The following AGBL1 variants were observed in gnomAD, a reference collection of about 807,000 sequenced individuals.
AGBL1 encodes cytosolic carboxypeptidase 4.
A neutral mutation model predicts 118.9 loss-of-function variants in AGBL1; 130 were observed. The ratio of observed to expected loss-of-function variants is 1.09; its 90% CI spans 0.95 to 1.26. The LOEUF (loss-of-function observed/expected upper bound fraction) is 1.26, where lower values mean the gene tolerates loss of function less well. AGBL1 is among the 50% of genes most tolerant of loss of function. AGBL1 has a pLI of 0.00. For synonymous variants in AGBL1, 555 were observed against 478.9 expected (o/e 1.16, Z -2.08); for missense variants, 1,584 against 1,298.1 (o/e 1.22, Z -3.38).
intron 17 of AGBL1, among the ~76,000 whole-genome samples, chr15:86,358,636 A>G (rs2080757598): frequency 6.6e-6 from 1 of 152,074 alleles, no homozygotes; most frequent in South Asian, 2.1e-4. Context: ...ACCAATTTAC[A>G]TATCCACTAG....
chr15:86,447,593 A>T (rs74740945), intron 18 of AGBL1, among the ~76,000 whole-genome samples: 6,388 of 152,252 alleles, frequency 0.042, 193 homozygotes, highest in South Asian at 0.097. Context: ...AAAACCAAAA[A>T]AGTGCCACCT....
chr15:86,590,568 T>C lies in AGBL1; in HGVS notation c.2994+36031T>C, dbSNP rs532561643. Among the ~76,000 whole-genome samples the C allele has an allele frequency of 5.8e-4, 89 of 152,322 alleles. 1 individual carries two copies. In the South Asian group the frequency reaches 0.018, roughly 31 times the overall value. On this transcript the variant is annotated intron_variant, in intron 21 of 22. Transcript: ENST00000614907. ...TACCCGGTCTCTGGTATGTCTTTAT[T>C]AGCAGTGTGAGAACAGACTAATACA...
At chr15:86,458,638 A>T (rs2082291691) in intron 18 of AGBL1, among the ~76,000 whole-genome samples, 1 of 152,176 alleles carries the variant, frequency 6.6e-6, no homozygotes, top group Non-Finnish European at 1.5e-5. Context: ...TAACATATTT[A>T]TCTCAATAAT....
intron 5 of AGBL1, among the ~76,000 whole-genome samples, chr15:86,160,428 TC>T (rs1272863435): frequency 7.9e-5 from 12 of 152,150 alleles, no homozygotes; most frequent in Non-Finnish European, 1.6e-4. Context: ...TTCACTCTTC[TC>T]CCCCCACTTC....
chr15:86,747,476 ATTCTT>A (rs1456997926), intron 22 of AGBL1, among the ~76,000 whole-genome samples: 2 of 152,096 alleles, frequency 1.3e-5, no homozygotes, highest in African/African-American at 2.4e-5. Flanking sequence ...AAAGGCAATA[ATTCTT>A]TTCTTTTATT....
intron 5 of AGBL1, among the ~76,000 whole-genome samples, chr15:86,202,950 G>A (rs1406422398): frequency 6.6e-6 from 1 of 152,072 alleles, no homozygotes; most frequent in Non-Finnish European, 1.5e-5. Flanking sequence ...CAGGCACAGT[G>A]GCTCATGCCT....
chr15:86,343,555 T>G (rs1194840900), intron 17 of AGBL1, among the ~76,000 whole-genome samples: 1 of 152,232 alleles, frequency 6.6e-6, no homozygotes, highest in East Asian at 1.9e-4. Flanking sequence ...ACAGGGAAGA[T>G]GCCTCATGGT....
rs577704529 is a variant in AGBL1 at position 86,262,724 on chromosome 15, C to T, written c.970-54C>T. On this transcript the variant is annotated intron_variant, in intron 9 of 22. Coordinates refer to ENST00000614907, the MANE Select transcript of AGBL1 (RefSeq NM_001386094.1). The stretch of plus-strand genomic sequence containing the variant: ...AGCACATACATATCATGTCTTGATG[C>T]TTCTCAGGGTGGATTTCCTGACTGT... 3.1e-5 allele frequency: 37 copies of T among 1,207,440 alleles called. No homozygotes were observed. The East Asian group carries it at 8.6e-4, about 28-fold the overall frequency. 74.8% of individuals were successfully genotyped at this position (1,207,440 alleles called of 1,614,324 possible). A position where few individuals can be genotyped will look rare whatever the true frequency, so the allele number is the denominator to read the frequency against.
chr15:86,167,879 T>C (rs2077363835), intron 5 of AGBL1, among the ~76,000 whole-genome samples: 2 of 152,236 alleles, frequency 1.3e-5, no homozygotes, highest in South Asian at 4.1e-4. Flanking sequence ...ATTAGCTCTC[T>C]ATGTGATCAT....
At chr15:86,231,369 A>G (rs2078452477) in intron 6 of AGBL1, among the ~76,000 whole-genome samples, 1 of 152,206 alleles carries the variant, frequency 6.6e-6, no homozygotes, top group Admixed American at 6.5e-5. Context: ...CCCCAGAAGG[A>G]ATCAAATTGT....
At chr15:86,938,339 T>C (rs553590700) in intron 23 of AGBL1, among the ~76,000 whole-genome samples, 1 of 152,310 alleles carries the variant, frequency 6.6e-6, no homozygotes, top group South Asian at 2.1e-4. Context: ...TGAGTGTCAG[T>C]AACCTCGCTG....
intron 22 of AGBL1, among the ~76,000 whole-genome samples, chr15:86,678,790 A>G (rs2085896174): frequency 1.3e-5 from 2 of 152,056 alleles, no homozygotes; most frequent in Non-Finnish European, 2.9e-5. Flanking sequence ...TAGTGAGTAT[A>G]TTTACATATT....
chr15:86,649,046 T>A (rs531789838), intron 21 of AGBL1, among the ~76,000 whole-genome samples: 1 of 152,264 alleles, frequency 6.6e-6, no homozygotes, highest in African/African-American at 2.4e-5. Flanking sequence ...GTTTGAATGC[T>A]GATGGGAATG....
intron 18 of AGBL1, among the ~76,000 whole-genome samples, chr15:86,429,208 C>A (rs924871751): frequency 6.6e-6 from 1 of 152,174 alleles, no homozygotes; most frequent in Admixed American, 6.5e-5. Flanking sequence ...CTCCGGATGG[C>A]AAGAAAACAA....
chr15:86,419,031 CA>C (rs1217355413), intron 18 of AGBL1, among the ~76,000 whole-genome samples: 1 of 151,984 alleles, frequency 6.6e-6, no homozygotes, highest in Non-Finnish European at 1.5e-5. Flanking sequence ...TCATAGATGG[CA>C]AAGACTGAAC....
chr15:86,841,865 A>G (rs1228114330), intron 22 of AGBL1, among the ~76,000 whole-genome samples: 2 of 152,206 alleles, frequency 1.3e-5, no homozygotes, highest in African/African-American at 4.8e-5. Context: ...AAAAATAAAA[A>G]TAGAGTCAGA....
intron 18 of AGBL1, among the ~76,000 whole-genome samples, chr15:86,507,537 A>G (rs75233551): frequency 0.01 from 1,539 of 152,268 alleles, 24 homozygotes; most frequent in African/African-American, 0.035. Flanking sequence ...AAACTAGGGT[A>G]GATATGTAAT....
At chr15:86,321,182 T>A (rs1180510527) in intron 17 of AGBL1, among the ~76,000 whole-genome samples, 1 of 152,178 alleles carries the variant, frequency 6.6e-6, no homozygotes, top group Non-Finnish European at 1.5e-5. Flanking sequence ...AACATTAGAA[T>A]GAGCTCTTCC....
chr15:86,157,203 G>A (rs2077204466), intron 4 of AGBL1, among the ~76,000 whole-genome samples: 1 of 152,094 alleles, frequency 6.6e-6, no homozygotes, highest in African/African-American at 2.4e-5. Flanking sequence ...TTCACAGATG[G>A]AGCCTCTACT....
Sources: allele counts gnomAD v4.1 joint callset (sites outside exome capture counted in the v4.1 genomes callset), GRCh38; gene constraint gnomAD v4.1.1; transcripts MANE v1.5; gene names NCBI Gene and HGNC (gene_info 2026-07-23, HGNC 2026-07-21).